The following CELF4 variants were observed in gnomAD, a reference collection of about 807,000 sequenced individuals.
CELF4 encodes the protein CUGBP Elav-like family member 4, also known as CUG-BP- and ETR-3-like factor 4.
Under a neutral mutation model 59.9 loss-of-function variants are expected in CELF4, and 18 were observed. That is an observed-to-expected ratio of 0.30 (90% CI 0.21 to 0.45). The LOEUF (loss-of-function observed/expected upper bound fraction) is 0.45. CELF4 is among the 20% of genes least tolerant of loss of function. CELF4 has a pLI of 1.00. For missense variants in CELF4, 456 were observed against 689.0 expected (o/e 0.66, Z 3.79); for synonymous variants, 261 against 267.1 (o/e 0.98, Z 0.22).
At chr18:37,317,333 G>A (rs2096902381) in intron 3 of CELF4, among the ~76,000 whole-genome samples, 1 of 152,248 alleles carries the variant, frequency 6.6e-6, no homozygotes, top group Non-Finnish European at 1.5e-5. Context: ...GTTGCAGTGA[G>A]CCAAGATCGT....
chr18:37,366,743 T>A (rs1198919140), intron 2 of CELF4, among the ~76,000 whole-genome samples: 1 of 152,082 alleles, frequency 6.6e-6, no homozygotes, highest in Admixed American at 6.5e-5. Flanking sequence ...GTAAGTAGCA[T>A]CCTTGGGGTC....
intron 2 of CELF4, among the ~76,000 whole-genome samples, chr18:37,340,584 C>T (rs995647406): frequency 6.6e-6 from 1 of 152,218 alleles, no homozygotes; most frequent in African/African-American, 2.4e-5. Flanking sequence ...CCTCTCGTCT[C>T]CCAGTCCCAC....
intron 2 of CELF4, among the ~76,000 whole-genome samples, chr18:37,326,231 G>C (rs2097306149): frequency 6.6e-6 from 1 of 152,198 alleles, no homozygotes; most frequent in Non-Finnish European, 1.5e-5. Context: ...GAGGGGTCAG[G>C]GGAAGAGCCA....
At chr18:37,384,329 CACATTAATAT>C (rs2099075854) in intron 2 of CELF4, among the ~76,000 whole-genome samples, 1 of 152,094 alleles carries the variant, frequency 6.6e-6, no homozygotes, top group African/African-American at 2.4e-5. Context: ...TGCTAATTTG[CACATTAATAT>C]CTGTCTTCAG....
At chr18:37,422,246 A>G (rs2099582769) in intron 2 of CELF4, among the ~76,000 whole-genome samples, 1 of 152,202 alleles carries the variant, frequency 6.6e-6, no homozygotes, top group African/African-American at 2.4e-5. Flanking sequence ...CTGAGATGGG[A>G]GCAGGGAGAA....
At chr18:37,397,941 C>T (rs988455045) in intron 2 of CELF4, among the ~76,000 whole-genome samples, 1 of 152,168 alleles carries the variant, frequency 6.6e-6, no homozygotes, top group African/African-American at 2.4e-5. Context: ...CATCTCTGCT[C>T]TTTCCAGCAG....
chr18:37,313,278 T>A (rs1387332237), intron 3 of CELF4, among the ~76,000 whole-genome samples: 1 of 152,192 alleles, frequency 6.6e-6, no homozygotes, highest in East Asian at 1.9e-4. Flanking sequence ...CAACGTGCTG[T>A]GGTCCCAGCC....
chr18:37,320,202 G>A (rs558294007), intron 3 of CELF4, among the ~76,000 whole-genome samples: 17 of 152,210 alleles, frequency 1.1e-4, no homozygotes, highest in South Asian at 2.1e-4. Context: ...TGGGTGTGGC[G>A]GCATGCGCCT....
intron 10 of CELF4, among the ~76,000 whole-genome samples, chr18:37,259,800 T>A (rs1355739223): frequency 6.6e-6 from 1 of 152,226 alleles, no homozygotes; most frequent in Non-Finnish European, 1.5e-5. Flanking sequence ...CTTTCTCATC[T>A]GCCCCTGATG....
intron 3 of CELF4, among the ~76,000 whole-genome samples, chr18:37,317,724 A>G (rs1215999275): frequency 6.6e-6 from 1 of 152,178 alleles, no homozygotes; most frequent in Non-Finnish European, 1.5e-5. Flanking sequence ...AGCTCCCTGA[A>G]CTGCTCCTGA....
chr18:37,317,655 T>C (rs921895434), intron 3 of CELF4, among the ~76,000 whole-genome samples: 1 of 152,094 alleles, frequency 6.6e-6, no homozygotes, highest in Non-Finnish European at 1.5e-5. Flanking sequence ...TGTACTTGTA[T>C]CTCCACTCCA....
At chr18:37,470,634 CA>C (rs1202514412) in intron 2 of CELF4, among the ~76,000 whole-genome samples, 1 of 152,148 alleles carries the variant, frequency 6.6e-6, no homozygotes, top group African/African-American at 2.4e-5. Context: ...CTCTGACCCT[CA>C]GGAGGGAAAC....
At chr18:37,484,878 G>C (rs1370289804) in intron 2 of CELF4, among the ~76,000 whole-genome samples, 1 of 152,152 alleles carries the variant, frequency 6.6e-6, no homozygotes, top group East Asian at 1.9e-4. Flanking sequence ...ATACTCAGCA[G>C]CCGTATATCT....
chr18:37,435,409 A>G (rs978445249), intron 2 of CELF4, among the ~76,000 whole-genome samples: 2 of 151,910 alleles, frequency 1.3e-5, no homozygotes, highest in African/African-American at 4.8e-5. Flanking sequence ...CCTGCTGTCA[A>G]TGGTTCTAGT....
At chr18:37,448,458 G>T (rs572807614) in intron 2 of CELF4, among the ~76,000 whole-genome samples, 2 of 152,326 alleles carry the variant, frequency 1.3e-5, no homozygotes, top group African/African-American at 4.8e-5. Context: ...GCCTTCACAC[G>T]GTATGGCCCT....
intron 3 of CELF4, among the ~76,000 whole-genome samples, chr18:37,320,066 G>A (rs920786265): frequency 2.0e-5 from 3 of 151,320 alleles, no homozygotes; most frequent in Non-Finnish European, 2.9e-5. Flanking sequence ...AGCTGGGCGC[G>A]GTGGCTCACG....
chr18:37,283,084 G>A (rs1057090948), intron 3 of CELF4, among the ~76,000 whole-genome samples: 3 of 152,074 alleles, frequency 2.0e-5, no homozygotes, highest in African/African-American at 7.2e-5. Flanking sequence ...GCCTTGATCT[G>A]CTTGGCTTCC....
At chr18:37,469,245 G>A (rs1469485986) in intron 2 of CELF4, among the ~76,000 whole-genome samples, 1 of 152,032 alleles carries the variant, frequency 6.6e-6, no homozygotes, top group Non-Finnish European at 1.5e-5. Context: ...ATGACGGCAG[G>A]GGCATCTACT....
intron 2 of CELF4, among the ~76,000 whole-genome samples, chr18:37,430,416 A>G (rs142319059): frequency 6.6e-6 from 1 of 152,338 alleles, no homozygotes; most frequent in African/African-American, 2.4e-5. Flanking sequence ...ATATAAATGC[A>G]AATACTGTAA....
Sources: gnomAD v4.1 joint callset for allele counts (sites outside exome capture counted in the v4.1 genomes callset) on GRCh38, gnomAD v4.1.1 for gene constraint, MANE v1.5 for transcripts, NCBI Gene and HGNC (gene_info 2026-07-23, HGNC 2026-07-21) for gene names.